Variants in MMS22L observed in about 807,000 individuals in gnomAD.
The protein encoded by MMS22L is protein MMS22-like.
A neutral mutation model predicts 159.1 loss-of-function variants in MMS22L; 74 were observed. The ratio of observed to expected loss-of-function variants is 0.47; its 90% CI spans 0.39 to 0.56. The LOEUF (loss-of-function observed/expected upper bound fraction) is 0.56, where lower values mean the gene tolerates loss of function less well. MMS22L is among the 20% of genes least tolerant of loss of function. The probability of loss-of-function intolerance (pLI) is 0.00; values close to 1 mark genes in which losing one functional copy is unlikely to be tolerated. For synonymous variants in MMS22L, 517 were observed against 506.9 expected (o/e 1.02, Z -0.27); for missense variants, 1,351 against 1,422.1 (o/e 0.95, Z 0.80).
At chr6:97,260,751 G>A (rs1814377643) in intron 9 of MMS22L, 1 of 152,114 alleles carries the variant, frequency 6.6e-6, no homozygotes, top group African/African-American at 2.4e-5. Flanking sequence ...CATTCATTTT[G>A]TAGATTAGGA....
At chr6:97,201,320 C>T (rs1807137117) in intron 14 of MMS22L, among the ~76,000 whole-genome samples, 1 of 152,060 alleles carries the variant, frequency 6.6e-6, no homozygotes, top group African/African-American at 2.4e-5. Flanking sequence ...TCCTATAATT[C>T]ATGATCTTTC....
rs1187792206 is a variant in MMS22L at position 97,230,997 on chromosome 6, A to G, written c.1529+429T>C. 1.2e-5 allele frequency: 2 copies of G among 162,558 alleles called. 1 individual carries two copies. The highest frequency in any genetic ancestry group is 1.2e-4 in the Admixed American group (2 of 17,136). 10.1% of individuals were successfully genotyped at this position (162,558 alleles called of 1,614,324 possible). On this transcript the variant is annotated intron_variant, in intron 13 of 24. Coordinates refer to ENST00000683635, the MANE Select transcript of MMS22L (RefSeq NM_001350599.2). ...AAAGGAAGTAGAAAAAAGAAAGACAATTTAAAAGTATACTCATTGAACAAG... is the reference window on the plus strand; with the variant it reads ...AAAGGAAGTAGAAAAAAGAAAGACAGTTTAAAAGTATACTCATTGAACAAG...
intron 14 of MMS22L, among the ~76,000 whole-genome samples, chr6:97,197,211 G>A (rs1002743973): frequency 3.9e-5 from 6 of 152,180 alleles, no homozygotes; most frequent in African/African-American, 7.2e-5. Flanking sequence ...AGACGTCATC[G>A]TAGGTTAGTA....
At position 97,229,430 on chromosome 6, in the gene MMS22L, T is replaced by C. The variant is rs894744980; in HGVS notation, c.1530-27A>G. ...TGTAAAACATTAAAAAATGCTTTAA[T>C]AAAATTGTTTCATTCACAAAAATCT... On this transcript the variant is annotated intron_variant, in intron 13 of 24. Coordinates refer to ENST00000683635, the MANE Select transcript of MMS22L (RefSeq NM_001350599.2). 9 of 1,437,316 alleles carry C rather than the reference T, an allele frequency of 6.3e-6. No homozygotes were observed. The East Asian group carries it at 9.7e-5, about 16-fold the overall frequency. 89.0% of individuals were successfully genotyped at this position (1,437,316 alleles called of 1,614,324 possible).
At chr6:97,149,824 C>A (rs770478490) in intron 24 of MMS22L, 29 bp downstream of exon 24, 2 of 1,547,478 alleles carry the variant, frequency 1.3e-6, no homozygotes, top group Non-Finnish European at 1.7e-6. Context: ...TCACTGCCCC[C>A]CCCAATGTAA....
In MMS22L at chr6:97,146,716, A is replaced by G; in HGVS notation, c.*90T>C. On this transcript the variant is annotated 3_prime_UTR_variant, in exon 25 of 25. Transcript: ENST00000683635. ...TCCTAGAAATTATTTTAAACAGAAC[A>G]TTATACAATTAATTAAAAGTAGGAA... The G allele has an allele frequency of 1.2e-6, 1 of 863,534 alleles. No individual in the cohort carries two copies. Among genetic ancestry groups the G allele is most frequent in the South Asian group, 1.7e-5 (1 of 57,546 alleles). 53.5% of individuals were successfully genotyped at this position (863,534 alleles called of 1,614,324 possible).
Position 97,146,862 on chromosome 6 carries a change from G to A in MMS22L, c.3676C>T (p.His1226Tyr), listed in dbSNP as rs1464318184. Residue 1226 changes from histidine to tyrosine, a missense_variant, in exon 25 of 25, where the codon CAC becomes TAC. His to Tyr is a moderately conservative substitution (Grantham distance 83). Transcript: ENST00000683635. The stretch of plus-strand genomic sequence containing the variant: ...TCATCTTGTCCCATCTGTCCAAGGT[G>A]AGACAAAAGTTTGCTATAGGCTTCC... The part of the protein sequence containing the change: ...QREAYSKLLS[H>Y]LGQMGQDEMQ... 1.3e-6 allele frequency: 2 copies of A among 1,559,314 alleles called. No individual in the cohort carries two copies. Among genetic ancestry groups the A allele is most frequent in the Non-Finnish European group, 1.7e-6 (2 of 1,162,218 alleles).
At chr6:97,164,580 T>A (rs1393957833) in intron 21 of MMS22L, among the ~76,000 whole-genome samples, 1 of 151,944 alleles carries the variant, frequency 6.6e-6, no homozygotes, top group African/African-American at 2.4e-5. Flanking sequence ...ATATTAGCAT[T>A]CATTTTTTCA....
rs1395824467 is a variant in MMS22L at position 97,179,537 on chromosome 6, G to A, written c.2407C>T (p.His803Tyr). 9.3e-6 allele frequency: 15 copies of A among 1,610,230 alleles called. No individual in the cohort carries two copies. The highest frequency in any genetic ancestry group is 1.3e-5 in the Non-Finnish European group (15 of 1,178,472). ...GCTTGAAAAGATACATAGCCTGAAT[G>A]AGAAAGTGCTTCACATAATGTGCTG... ...QNSTLCEALS[H>Y]SGYVSFQALT... The change falls in exon 17 of 25, where the codon CAT becomes TAT. Residue 803 changes from histidine (H) to tyrosine (Y), a missense_variant. Physicochemically the swap from His to Tyr is moderately conservative, Grantham distance 83 (BLOSUM62 2). Coordinates refer to ENST00000683635, the MANE Select transcript of MMS22L (RefSeq NM_001350599.2).
intron 12 of MMS22L, among the ~76,000 whole-genome samples, chr6:97,232,442 T>C (rs1392317175): frequency 6.6e-6 from 1 of 152,170 alleles, no homozygotes; most frequent in Non-Finnish European, 1.5e-5. Context: ...TTTTCAGAAT[T>C]AGGTGTTTCT....
intron 4 of MMS22L, among the ~76,000 whole-genome samples, chr6:97,273,988 T>C (rs1816012039): frequency 6.6e-6 from 1 of 152,336 alleles, no homozygotes; most frequent in African/African-American, 2.4e-5. Context: ...TTTATAAAGC[T>C]CTGAACGACC....
At position 97,271,554 on chromosome 6, in the gene MMS22L, G is replaced by T. The variant is rs13206614; in HGVS notation, c.606+1150C>A. 6 of 151,902 alleles carry T rather than the reference G, an allele frequency of 3.9e-5. No individual in the cohort carries two copies. The East Asian group carries it at 7.7e-4, about 20-fold the overall frequency. 9.4% of individuals were successfully genotyped at this position (151,902 alleles called of 1,614,324 possible). On this transcript the variant is annotated intron_variant, in intron 6 of 24. Coordinates refer to ENST00000683635, the MANE Select transcript of MMS22L (RefSeq NM_001350599.2). ...AGCAATTACCTATTTGTTTTCTATC[G>T]ATTAGATATATTAACTTGTAAATTC...
chr6:97,165,303 T>C lies in MMS22L; in HGVS notation c.3164A>G (p.Asn1055Ser), dbSNP rs750990903. 2 of 1,613,330 alleles carry C rather than the reference T, an allele frequency of 1.2e-6. No individual in the cohort carries two copies. Among genetic ancestry groups the C allele is most frequent in the South Asian group, 1.1e-5 (1 of 91,078 alleles). The part of the protein sequence containing the change: ...GQHPVLLALR[N>S]TATIPPISSL... Reference sequence around the variant, plus strand: ...TGATATTGGTGGAATAGTGGCTGTGTTTCTCAATGCCAGCAAAACAGGATG... The same window carrying C: ...TGATATTGGTGGAATAGTGGCTGTGCTTCTCAATGCCAGCAAAACAGGATG... Residue 1055 changes from asparagine to serine, a missense_variant, in exon 21 of 25, where the codon AAC (asparagine) becomes AGC (serine). By Grantham distance (46) the Asn-to-Ser change is conservative. Coordinates refer to ENST00000683635, the MANE Select transcript of MMS22L (RefSeq NM_001350599.2).
intron 14 of MMS22L, among the ~76,000 whole-genome samples, chr6:97,193,862 A>C (rs1282939239): frequency 1.3e-5 from 2 of 151,028 alleles, no homozygotes; most frequent in Admixed American, 1.3e-4. Context: ...CTGGGTTCAC[A>C]CCATTCTCCT....
At chr6:97,193,298 G>C (rs144866992) in intron 14 of MMS22L, among the ~76,000 whole-genome samples, 1 of 152,238 alleles carries the variant, frequency 6.6e-6, no homozygotes, top group East Asian at 1.9e-4. Flanking sequence ...GATGAACCTA[G>C]CAAACCAAGC....
intron 8 of MMS22L, chr6:97,264,248 A>G (rs1814828987): frequency 6.6e-6 from 1 of 152,184 alleles, no homozygotes; most frequent in Admixed American, 6.5e-5. Flanking sequence ...AAAGACTTCT[A>G]ATGAAAAGAT....
chr6:97,267,660 GA>G lies in MMS22L; in HGVS notation c.828+211del, dbSNP rs1376809087. The G allele has an allele frequency of 8.4e-4, 199 of 236,334 alleles. 2 individuals are homozygous for G. Among genetic ancestry groups the G allele is most frequent in the African/African-American group, 3.8e-3 (141 of 37,148 alleles). The allele number at this position is 236,334 out of a possible 1,614,324, so 14.6% of individuals were successfully genotyped here. On this transcript the variant is annotated intron_variant, in intron 8 of 24. Transcript: ENST00000683635. ...TTTTTCTTAAAAAAAAAAAAAAAAAGAAAAAAAGAAAAGCTCTAAAATACCA... is the reference window on the plus strand; with the variant it reads ...TTTTTCTTAAAAAAAAAAAAAAAAAGAAAAAAGAAAAGCTCTAAAATACCA...
At chr6:97,276,022 C>T (rs904312005) in intron 4 of MMS22L, among the ~76,000 whole-genome samples, 25 of 151,742 alleles carry the variant, frequency 1.6e-4, no homozygotes, top group South Asian at 6.2e-4. Context: ...GACAAAGAGA[C>T]GGAAAGAGAG....
chr6:97,162,736 A>G (rs1427950510), intron 21 of MMS22L, among the ~76,000 whole-genome samples: 3 of 152,020 alleles, frequency 2.0e-5, no homozygotes, highest in African/African-American at 7.2e-5. Flanking sequence ...TCAAGACAAG[A>G]CAAAATTTAG....
Sources: allele counts gnomAD v4.1 joint callset (sites outside exome capture counted in the v4.1 genomes callset), GRCh38; gene constraint gnomAD v4.1.1; transcripts MANE v1.5; gene names NCBI Gene and HGNC (gene_info 2026-07-23, HGNC 2026-07-21).